The following ITPRID2 variants were observed in gnomAD, a reference collection of about 807,000 sequenced individuals.
ITPRID2 encodes ITPR interacting domain containing 2.
A neutral mutation model predicts 124.3 loss-of-function variants in ITPRID2; 60 were observed. The ratio of observed to expected loss-of-function variants is 0.48; its 90% confidence interval spans 0.39 to 0.60. The LOEUF is 0.60. Ranked by LOEUF, ITPRID2 falls within the 20% of genes least tolerant of loss-of-function variation. The pLI, the probability that ITPRID2 is intolerant of heterozygous loss-of-function variation, is 0.00. For synonymous variants in ITPRID2, 521 were observed against 542.9 expected (o/e 0.96, Z 0.56); for missense variants, 1,553 against 1,512.2 (o/e 1.03, Z -0.45).
rs1693287671 is a variant in ITPRID2 at position 181,907,995 on chromosome 2, T to C, written c.1414-1904T>C. ...AGCATCTTGAAGAATAGAATGCTGATGATATGTGTTTATTAAAGTCATGTT... is the reference window on the plus strand; with the variant it reads ...AGCATCTTGAAGAATAGAATGCTGACGATATGTGTTTATTAAAGTCATGTT... On this transcript the variant is annotated intron_variant, in intron 8 of 17. Coordinates refer to ENST00000431877, the MANE Select transcript of ITPRID2 (RefSeq NM_001130445.3). The surrounding 1 kb of genome is among the most constrained non-coding windows in gnomAD (Gnocchi z 5.1). Among the ~76,000 whole-genome samples, 1 of 152,230 alleles carries C rather than the reference T, an allele frequency of 6.6e-6. No individual in the cohort carries two copies. Among genetic ancestry groups the C allele is most frequent in the Non-Finnish European group, 1.5e-5 (1 of 68,046 alleles).
chr2:181,929,583 G>T lies in ITPRID2; in HGVS notation c.*36G>T. On this transcript the variant is annotated 3_prime_UTR_variant, in exon 18 of 18. Coordinates refer to ENST00000431877, the MANE Select transcript of ITPRID2 (RefSeq NM_001130445.3). ...AAGGTTGGCATGGATCCTATTAGCT[G>T]TGTAATACTGGAATTATCAATGATA... is the stretch of plus-strand genomic sequence containing the variant. The T allele has an allele frequency of 6.2e-7, 1 of 1,612,770 alleles. No individual in the cohort carries two copies. The highest frequency in any genetic ancestry group is 8.5e-7 in the Non-Finnish European group (1 of 1,179,202).
At chr2:181,926,203 G>A (rs1694832820) in intron 16 of ITPRID2, among the ~76,000 whole-genome samples, 1 of 151,666 alleles carries the variant, frequency 6.6e-6, no homozygotes, top group Admixed American at 6.6e-5. Context: ...GGCAGAGGTT[G>A]CAGTGAGCCG....
At chr2:181,901,021 T>A in intron 7 of ITPRID2, 117 bp downstream of exon 7, 2 of 801,052 alleles carry the variant, frequency 2.5e-6, no homozygotes, top group Non-Finnish European at 3.8e-6. Context: ...AGAGATTGAT[T>A]AACGCAAAAG....
intron 15 of ITPRID2, among the ~76,000 whole-genome samples, chr2:181,921,099 G>A (rs941079910): frequency 3.3e-5 from 5 of 152,108 alleles, no homozygotes; most frequent in Non-Finnish European, 7.4e-5. Flanking sequence ...CGGGAGGATT[G>A]CTTGAGGCCA....
rs1693239344 is a variant in ITPRID2 at position 181,907,482 on chromosome 2, T to TA, written c.1414-2416dup. Among the ~76,000 whole-genome samples, 2 of 151,898 alleles carry TA rather than the reference T, an allele frequency of 1.3e-5. No homozygotes were observed. Among genetic ancestry groups the TA allele is most frequent in the African/African-American group, 4.8e-5 (2 of 41,386 alleles). On this transcript the variant is annotated intron_variant, in intron 8 of 17. Coordinates refer to ENST00000431877, the MANE Select transcript of ITPRID2 (RefSeq NM_001130445.3). This position sits in a 1 kb window ranked among gnomAD's most constrained non-coding sequence, Gnocchi z 5.1. The stretch of plus-strand genomic sequence containing the variant: ...TTTTTATATTATGAAACAGTTTTGT[T>TA]ATGAAAAGTTTCAAACTTACTTGAA...
chr2:181,921,305 G>A (rs75787955), intron 15 of ITPRID2, among the ~76,000 whole-genome samples: 3 of 151,846 alleles, frequency 2.0e-5, no homozygotes, highest in Non-Finnish European at 4.4e-5. Flanking sequence ...TGGTGAAACC[G>A]CATCTCTACT....
In ITPRID2 at chr2:181,905,442, G is replaced by A. The variant is rs1693035823; in HGVS notation, c.1413+2976G>A. Reference sequence around the variant, plus strand: ...ATTAATTCTTGTGTTCTTCTTGAATGGCTTATTTTGAATACGTCATGGTAA... The same window carrying A: ...ATTAATTCTTGTGTTCTTCTTGAATAGCTTATTTTGAATACGTCATGGTAA... On this transcript the variant is annotated intron_variant, in intron 8 of 17. Transcript: ENST00000431877. This position sits in a 1 kb window ranked among gnomAD's most constrained non-coding sequence, Gnocchi z 4.1. 1.3e-5 allele frequency among the ~76,000 whole-genome samples: 2 copies of A among 152,068 alleles called. No homozygotes were observed. Among genetic ancestry groups the A allele is most frequent in the East Asian group, 1.9e-4 (1 of 5,196 alleles).
intron 2 of ITPRID2, among the ~76,000 whole-genome samples, chr2:181,895,468 C>T (rs1407883011): frequency 6.6e-6 from 1 of 151,974 alleles, no homozygotes; most frequent in Non-Finnish European, 1.5e-5. Flanking sequence ...AAGCGAATCT[C>T]AAGCTTCTAC....
At position 181,919,004 on chromosome 2, in the gene ITPRID2, C is replaced by T; in HGVS notation, c.2993+122C>T. The T allele has an allele frequency of 7.6e-7, 1 of 1,313,124 alleles. No individual in the cohort carries two copies. Among genetic ancestry groups the T allele is most frequent in the Admixed American group, 2.5e-5 (1 of 40,574 alleles). 81.3% of individuals were successfully genotyped at this position (1,313,124 alleles called of 1,614,324 possible). On this transcript the variant is annotated intron_variant, in intron 13 of 17. Coordinates refer to ENST00000431877, the MANE Select transcript of ITPRID2 (RefSeq NM_001130445.3). The surrounding 1 kb of genome is among the most constrained non-coding windows in gnomAD (Gnocchi z 4.2). ...GTGTACCTTGTATCTGTTTTGTGAA[C>T]CAGTGTAGATAAGATTAGTCATAGA...
chr2:181,898,949 A>G (rs1692438234), intron 5 of ITPRID2, 30 bp downstream of exon 5: 3 of 1,602,576 alleles, frequency 1.9e-6, no homozygotes, highest in Non-Finnish European at 2.6e-6. Context: ...TATTTCTTTT[A>G]AAAAATGAAG....
rs377284872 is a variant in ITPRID2, at chr2:181,918,666, T to C, written c.2856T>C (p.Pro952=). 99 of 1,614,000 alleles carry C rather than the reference T, an allele frequency of 6.1e-5. No homozygotes were observed. The highest frequency in any genetic ancestry group is 8.1e-5 in the Non-Finnish European group (96 of 1,179,984). The stretch of plus-strand genomic sequence containing the variant: ...GTACTCAGAAATCATCTGTTCTACC[T>C]CTTTATGAAGTAAGTTCTTTCTTAC... ...PYSTQKSSVL[P]LYENTFQELQ... Residue 952 remains proline, a synonymous_variant, in exon 12 of 18, where the codon CCT becomes CCC. Transcript: ENST00000431877.
chr2:181,920,555 T>G, intron 14 of ITPRID2, 42 bp from the exon 15 acceptor site: 3 of 1,419,674 alleles, frequency 2.1e-6, no homozygotes, highest in Non-Finnish European at 3.0e-6. Context: ...TATGTATATA[T>G]ACACACACAT....
At chr2:181,921,805 G>A (rs1352310449) in intron 15 of ITPRID2, 143 bp from the exon 16 acceptor site, 7 of 746,908 alleles carry the variant, frequency 9.4e-6, no homozygotes, top group Non-Finnish European at 8.5e-6. Context: ...AAATAAAATT[G>A]AGTAGTTATT....
chr2:181,893,529 C>G (rs1176168859), intron 2 of ITPRID2: 1 of 152,162 alleles, frequency 6.6e-6, no homozygotes, highest in African/African-American at 2.4e-5. Flanking sequence ...CCTCTAAAGA[C>G]AGACAAGATA....
At chr2:181,894,516 C>T (rs1378863689) in intron 2 of ITPRID2, 1 of 152,124 alleles carries the variant, frequency 6.6e-6, no homozygotes, top group Non-Finnish European at 1.5e-5. Context: ...TATGTTGCAT[C>T]TGTATTTTTG....
Position 181,898,905 on chromosome 2 carries a change from T to G in ITPRID2, c.390T>G (p.Ala130=). 6.2e-7 allele frequency: 1 copy of G among 1,612,092 alleles called. No homozygotes were observed. The highest frequency in any genetic ancestry group is 8.5e-7 in the Non-Finnish European group (1 of 1,178,336). The change falls in exon 5 of 18, where the codon GCT becomes GCG. Residue 130 remains alanine, a synonymous_variant. Coordinates refer to ENST00000431877, the MANE Select transcript of ITPRID2 (RefSeq NM_001130445.3). ...CCAACCACCTCCATGAAAGTGATGC[T>G]CAAATTGAAAACTGGTATGTAGCTG... ...AEANHLHESD[A]QIENCNNILA... is the part of the protein sequence containing the mutation.
In ITPRID2 at chr2:181,896,967, A is replaced by G; in HGVS notation, c.364+3A>G. The G allele has an allele frequency of 6.2e-7, 1 of 1,611,334 alleles. No homozygotes were observed. ...TGATTTGTCATTGGGAGCTGAAGGT[A>G]TGTTTGTTTGGAAGAACTGTATTTT... is the stretch of plus-strand genomic sequence containing the variant. On this transcript the variant is annotated splice_donor_region_variant and intron_variant, in intron 4 of 17. Coordinates refer to ENST00000431877, the MANE Select transcript of ITPRID2 (RefSeq NM_001130445.3). The surrounding 1 kb of genome is among the most constrained non-coding windows in gnomAD (Gnocchi z 4.3).
intron 16 of ITPRID2, among the ~76,000 whole-genome samples, chr2:181,927,879 G>T (rs1694978563): frequency 6.6e-6 from 1 of 152,118 alleles, no homozygotes; most frequent in Non-Finnish European, 1.5e-5. Flanking sequence ...GTATTTACTA[G>T]AAGTTTTTTA....
rs768754783 is a variant in ITPRID2 at position 181,892,182 on chromosome 2, C to A, written c.116C>A (p.Thr39Lys). Residue 39 changes from threonine (T) to lysine (K), a missense_variant, in exon 1 of 18, where the codon ACG (threonine) becomes AAG (lysine). Coordinates refer to ENST00000431877, the MANE Select transcript of ITPRID2 (RefSeq NM_001130445.3). The surrounding 1 kb of genome is among the most constrained non-coding windows in gnomAD (Gnocchi z 5.2). ...KCRSSWQASE[T>K]EDLSTEATTQ... ...CGCAGCTCCTGGCAAGCGTCGGAGA[C>A]GGAGGATCTGTCCACAGAAGCGACG... The A allele has an allele frequency of 1.3e-6, 2 of 1,553,434 alleles. No homozygotes were observed. Among genetic ancestry groups the A allele is most frequent in the Admixed American group, 2.0e-5 (1 of 51,222 alleles).
Sources: gnomAD v4.1 joint callset for allele counts (sites outside exome capture counted in the v4.1 genomes callset) on GRCh38, gnomAD v4.1.1 for gene constraint, Gnocchi (gnomAD v3.1) non-coding constraint, MANE v1.5 for transcripts, NCBI Gene and HGNC (gene_info 2026-07-23, HGNC 2026-07-21) for gene names.